Variants in SYNJ2 observed in about 807,000 individuals in gnomAD.
SYNJ2 encodes synaptojanin 2, also known as polyphosphatidylinositol phosphatase SYNJ2.
SYNJ2 carries 116 observed loss-of-function variants against 141.3 expected under a neutral mutation model. The ratio of observed to expected loss-of-function variants is 0.82; its 90% CI spans 0.71 to 0.96. SYNJ2 has a LOEUF of 0.96. Ranked by LOEUF, SYNJ2 falls within the 40% of genes least tolerant of loss-of-function variation. SYNJ2 has a pLI of 0.00. For missense variants in SYNJ2, 1,873 were observed against 1,934.8 expected, an observed-to-expected ratio of 0.97 and a Z score of 0.60; for synonymous variants, 745 against 777.7, an observed-to-expected ratio of 0.96 and a Z score of 0.70.
At chr6:158,024,131 T>A (rs1778915183) in intron 2 of SYNJ2, among the ~76,000 whole-genome samples, 2 of 152,172 alleles carry the variant, frequency 1.3e-5, no homozygotes, top group African/African-American at 4.8e-5. Flanking sequence ...TTGTATCAAA[T>A]GATTATTTGT....
Position 158,020,136 on chromosome 6 carries a change from G to A in SYNJ2, c.214+2846G>A, listed in dbSNP as rs528318117. On this transcript the variant is annotated intron_variant, in intron 2 of 26. Coordinates refer to ENST00000355585, the MANE Select transcript of SYNJ2 (RefSeq NM_003898.4). ...ACTAACTCCACCTGTGTGACTCTGC[G>A]TGACTCCAACTGTGACTCCATCTGT... is the stretch of plus-strand genomic sequence containing the variant. 6.0e-5 allele frequency among the ~76,000 whole-genome samples: 9 copies of A among 150,480 alleles called. No homozygotes were observed. The South Asian group carries it at 1.3e-3, about 21-fold the overall frequency.
At chr6:157,999,231 G>A (rs999557406) in intron 1 of SYNJ2, among the ~76,000 whole-genome samples, 2 of 152,230 alleles carry the variant, frequency 1.3e-5, no homozygotes, top group African/African-American at 4.8e-5. Flanking sequence ...ATTTGCACAT[G>A]GTCACTGTTG....
intron 12 of SYNJ2, chr6:158,068,008 A>G (rs1214386411): frequency 1.0e-6 from 1 of 984,484 alleles, no homozygotes; most frequent in Non-Finnish European, 1.2e-6. Context: ...TTTGCAGGGG[A>G]TTTTTTTGGG....
intron 26 of SYNJ2, 21 bp from the exon 27 acceptor site, chr6:158,095,597 C>T: frequency 6.4e-7 from 1 of 1,567,538 alleles, no homozygotes; most frequent in Non-Finnish European, 8.6e-7. Context: ...TATTTACACT[C>T]TTTGTCCCAC....
chr6:158,081,977 C>T (rs550392148), intron 20 of SYNJ2, among the ~76,000 whole-genome samples: 13 of 152,192 alleles, frequency 8.5e-5, no homozygotes, highest in Admixed American at 5.2e-4. Flanking sequence ...TATGTATAGA[C>T]GCCATATGCG....
intron 5 of SYNJ2, among the ~76,000 whole-genome samples, chr6:158,047,608 C>T (rs1780310089): frequency 6.6e-6 from 1 of 151,594 alleles, no homozygotes; most frequent in Non-Finnish European, 1.5e-5. Flanking sequence ...GAAATCCCAT[C>T]CCCACTAAAA....
intron 7 of SYNJ2, among the ~76,000 whole-genome samples, chr6:158,061,651 C>T (rs1182842438): frequency 6.6e-6 from 1 of 151,602 alleles, no homozygotes; most frequent in African/African-American, 2.4e-5. Context: ...ACCTGGGCCA[C>T]CTGAAGAACA....
chr6:158,063,145 T>A (rs937901351), intron 8 of SYNJ2, among the ~76,000 whole-genome samples: 12 of 152,236 alleles, frequency 7.9e-5, no homozygotes, highest in African/African-American at 2.9e-4. Flanking sequence ...CCTAACCCTA[T>A]ATTTCCCCTA....
chr6:158,049,865 T>G (rs1583407852), intron 5 of SYNJ2, among the ~76,000 whole-genome samples: 2 of 151,720 alleles, frequency 1.3e-5, no homozygotes, highest in East Asian at 3.9e-4. Context: ...GCTCTGCAGG[T>G]GGGGACATGG....
chr6:158,057,756 G>C (rs911391767), intron 6 of SYNJ2, among the ~76,000 whole-genome samples: 7 of 152,240 alleles, frequency 4.6e-5, no homozygotes, highest in African/African-American at 1.7e-4. Flanking sequence ...TGGCTTGGAT[G>C]TGTGGCCACG....
intron 5 of SYNJ2, among the ~76,000 whole-genome samples, chr6:158,044,807 T>C (rs1780149191): frequency 6.6e-6 from 1 of 152,164 alleles, no homozygotes; most frequent in Admixed American, 6.5e-5. Flanking sequence ...ATCTACTGTC[T>C]TTATCTATAG....
intron 8 of SYNJ2, 104 bp from the exon 9 acceptor site, chr6:158,063,687 A>AAAAC: frequency 1.6e-6 from 1 of 617,506 alleles, no homozygotes; most frequent in Non-Finnish European, 2.6e-6. Context: ...AAAAAAAAAA[A>AAAAC]CCATGTTTCC....
At chr6:158,089,198 C>T (rs1212158428) in intron 24 of SYNJ2, among the ~76,000 whole-genome samples, 1 of 152,078 alleles carries the variant, frequency 6.6e-6, no homozygotes, top group East Asian at 1.9e-4. Flanking sequence ...GGGGAACACA[C>T]TAGGAAGACT....
In SYNJ2 at chr6:158,071,516, G is replaced by A. The variant is rs1316367668; in HGVS notation, c.1941-86G>A. On this transcript the variant is annotated intron_variant, in intron 14 of 26. Coordinates refer to ENST00000355585, the MANE Select transcript of SYNJ2 (RefSeq NM_003898.4). The surrounding 1 kb of genome is among the most constrained non-coding windows in gnomAD (Gnocchi z 4.3). ...GAGCACTCAGAGCAGCAGGTCCCGAGCTGCTGCTGGGCCCTTCTCTGTGGC... is the reference window on the plus strand; with the variant it reads ...GAGCACTCAGAGCAGCAGGTCCCGAACTGCTGCTGGGCCCTTCTCTGTGGC... 6.8e-7 allele frequency: 1 copy of A among 1,470,434 alleles called. No individual in the cohort carries two copies. The highest frequency in any genetic ancestry group is 9.2e-7 in the Non-Finnish European group (1 of 1,085,828). 91.1% of individuals were successfully genotyped at this position (1,470,434 alleles called of 1,614,324 possible). A position where few individuals can be genotyped will look rare whatever the true frequency, so the allele number is the denominator to read the frequency against.
chr6:158,070,192 C>T lies in SYNJ2; in HGVS notation c.1940+519C>T. 1 of 985,472 alleles carries T rather than the reference C, an allele frequency of 1.0e-6. No homozygotes were observed. The highest frequency in any genetic ancestry group is 1.2e-6 in the Non-Finnish European group (1 of 830,002). The allele number at this position is 985,472 out of a possible 1,614,324, so 61.0% of individuals were successfully genotyped here. A position where few individuals can be genotyped will look rare whatever the true frequency, so the allele number is the denominator to read the frequency against. The stretch of plus-strand genomic sequence containing the variant: ...GGGTGTGGGTGTGGGTGTTTGGATG[C>T]TGGAGGAACTCATCTTTTCCCCAGC... On this transcript the variant is annotated intron_variant, in intron 14 of 26. Coordinates refer to ENST00000355585, the MANE Select transcript of SYNJ2 (RefSeq NM_003898.4). This position sits in a 1 kb window ranked among gnomAD's most constrained non-coding sequence, Gnocchi z 4.0.
At chr6:158,014,592 C>T (rs1477595149) in intron 1 of SYNJ2, among the ~76,000 whole-genome samples, 1 of 152,252 alleles carries the variant, frequency 6.6e-6, no homozygotes, top group East Asian at 1.9e-4. Context: ...CTTTAAATCA[C>T]ATCTTACCAT....
intron 1 of SYNJ2, among the ~76,000 whole-genome samples, chr6:157,985,363 G>T (rs570845568): frequency 4.3e-4 from 65 of 152,352 alleles, no homozygotes; most frequent in Non-Finnish European, 8.8e-4. Context: ...GAATTAGGTT[G>T]TGAATCTGAA....
chr6:158,075,122 G>T (rs2128380634), intron 16 of SYNJ2, among the ~76,000 whole-genome samples: 1 of 151,888 alleles, frequency 6.6e-6, no homozygotes, highest in East Asian at 2.0e-4. Flanking sequence ...AGTAGAGACG[G>T]GTTTTCACCA....
Position 158,071,657 on chromosome 6 carries a change from G to A in SYNJ2, c.1996G>A (p.Gly666Ser). Residue 666 changes from glycine (G) to serine (S), a missense_variant, in exon 15 of 27, where the codon GGC becomes AGC. Gly to Ser is a moderately conservative substitution (Grantham distance 56). Coordinates refer to ENST00000355585, the MANE Select transcript of SYNJ2 (RefSeq NM_003898.4). The surrounding 1 kb of genome is among the most constrained non-coding windows in gnomAD (Gnocchi z 4.3). ...TGMGGKAGNK[G>S]AVGIRFQFHS... ...CATGGGGGGCAAGGCGGGGAACAAGGGCGCCGTCGGCATCCGCTTCCAGTT... is the reference window on the plus strand; with the variant it reads ...CATGGGGGGCAAGGCGGGGAACAAGAGCGCCGTCGGCATCCGCTTCCAGTT... 1 of 1,614,148 alleles carries A rather than the reference G, an allele frequency of 6.2e-7. No homozygotes were observed. The highest frequency in any genetic ancestry group is 1.1e-5 in the South Asian group (1 of 91,084).
Sources: gnomAD v4.1 joint callset for allele counts (sites outside exome capture counted in the v4.1 genomes callset) on GRCh38, gnomAD v4.1.1 for gene constraint, Gnocchi (gnomAD v3.1) non-coding constraint, MANE v1.5 for transcripts, NCBI Gene and HGNC (gene_info 2026-07-23, HGNC 2026-07-21) for gene names.